PACS1: variants seen among roughly 807,000 people sequenced by gnomAD.
PACS1 encodes the protein phosphofurin acidic cluster sorting protein 1, also known as PACS-1.
In PACS1, 24 loss-of-function variants were observed where a neutral mutation model predicts 115.0. The ratio of observed to expected loss-of-function variants is 0.21; its 90% CI spans 0.15 to 0.29. The LOEUF (loss-of-function observed/expected upper bound fraction) is 0.29. Among genes scored for constraint, PACS1 ranks in the 10% least tolerant of loss-of-function variants. The pLI is 1.00. For synonymous variants in PACS1, 453 were observed against 504.5 expected (o/e 0.90, Z 1.37); for missense variants, 838 against 1,251.2 (o/e 0.67, Z 4.98).
intron 2 of PACS1, among the ~76,000 whole-genome samples, chr11:66,209,646 A>C (rs1316392127): frequency 1.3e-5 from 2 of 152,112 alleles, no homozygotes; most frequent in Non-Finnish European, 2.9e-5. Flanking sequence ...TCAGTGACTC[A>C]CACCTGTAAT....
chr11:66,147,133 A>G (rs1173160832), intron 1 of PACS1, among the ~76,000 whole-genome samples: 1 of 152,220 alleles, frequency 6.6e-6, no homozygotes, highest in Non-Finnish European at 1.5e-5. Flanking sequence ...CAAGTTTTTT[A>G]TTGTAACAGT....
At chr11:66,086,351 G>C (rs986687961) in intron 1 of PACS1, among the ~76,000 whole-genome samples, 1 of 152,030 alleles carries the variant, frequency 6.6e-6, no homozygotes, top group African/African-American at 2.4e-5. Flanking sequence ...TGTTAGCCAG[G>C]ATGGTCTCGA....
intron 1 of PACS1, among the ~76,000 whole-genome samples, chr11:66,144,824 A>T (rs1590776584): frequency 6.6e-6 from 1 of 152,070 alleles, no homozygotes; most frequent in African/African-American, 2.4e-5. Flanking sequence ...TAGTAGAGAT[A>T]GGGTTTCACC....
intron 8 of PACS1, 199 bp from the exon 9 acceptor site, chr11:66,220,432 T>G (rs933511792): frequency 1.4e-4 from 82 of 580,794 alleles, no homozygotes; most frequent in African/African-American, 1.3e-3. Flanking sequence ...TGGCAGGAAC[T>G]GGGGGGAAGG....
intron 1 of PACS1, among the ~76,000 whole-genome samples, chr11:66,166,177 T>G (rs548233159): frequency 8.2e-4 from 125 of 152,158 alleles, no homozygotes; most frequent in Non-Finnish European, 1.4e-3. Context: ...AGACAGAGTC[T>G]TACTCTGTCA....
At chr11:66,147,674 A>G (rs958025969) in intron 1 of PACS1, among the ~76,000 whole-genome samples, 3 of 152,212 alleles carry the variant, frequency 2.0e-5, no homozygotes, top group African/African-American at 4.8e-5. Context: ...TAAAACATGT[A>G]GAATAGAGAG....
At position 66,235,275 on chromosome 11, in the gene PACS1, T is replaced by G; in HGVS notation, c.2105-26T>G. The G allele has an allele frequency of 6.3e-7, 1 of 1,576,908 alleles. No individual in the cohort carries two copies. The highest frequency in any genetic ancestry group is 8.7e-7 in the Non-Finnish European group (1 of 1,146,418). ...TTTGCCAGCTGAAGTCAGTAGGCAG[T>G]TAGTGATCTCTTGGCTTTTCTGCAG... On this transcript the variant is annotated intron_variant, in intron 17 of 23. Coordinates refer to ENST00000320580, the MANE Select transcript of PACS1 (RefSeq NM_018026.4). The surrounding 1 kb of genome is among the most constrained non-coding windows in gnomAD (Gnocchi z 5.6).
In PACS1 at chr11:66,133,939, T is replaced by C. The variant is rs1858765861; in HGVS notation, c.357-59547T>C. On this transcript the variant is annotated intron_variant, in intron 1 of 23. Transcript: ENST00000320580. ...CAGACAGATACTTGTCCTGGCTAAG[T>C]GTGATACTGGGCAAGTTGTTGACTT... Among the ~76,000 whole-genome samples, 8 of 152,208 alleles carry C rather than the reference T, an allele frequency of 5.3e-5. No homozygotes were observed. The South Asian group carries it at 1.7e-3, about 31-fold the overall frequency.
chr11:66,074,943 T>TG (rs1565097236), intron 1 of PACS1, among the ~76,000 whole-genome samples: 2 of 137,128 alleles, frequency 1.5e-5, no homozygotes, highest in East Asian at 2.4e-4. Context: ...TTTTTGGTGT[T>TG]TTTTTTTTTT....
At chr11:66,210,249 T>C in intron 2 of PACS1, 113 bp from the exon 3 acceptor site, 3 of 771,486 alleles carry the variant, frequency 3.9e-6, no homozygotes, top group Non-Finnish European at 6.8e-6. Context: ...TGCCCCAGGC[T>C]GGTCTCAAAC....
intron 1 of PACS1, among the ~76,000 whole-genome samples, chr11:66,079,001 G>A (rs1020434461): frequency 5.9e-5 from 9 of 152,058 alleles, no homozygotes; most frequent in Admixed American, 3.3e-4. Context: ...TCTGTCTCCC[G>A]GGTTCAAGTG....
At chr11:66,073,916 CTTTTTTTTTTTTTTT>C (rs34145797) in intron 1 of PACS1, among the ~76,000 whole-genome samples, 19 of 76,940 alleles carry the variant, frequency 2.5e-4, no homozygotes, top group African/African-American at 9.8e-4. Flanking sequence ...TCACACCTGG[CTTTTTTTTTTTTTTT>C]TTTTTTTTTT....
chr11:66,139,136 T>G (rs1372023627), intron 1 of PACS1, among the ~76,000 whole-genome samples: 1 of 152,222 alleles, frequency 6.6e-6, no homozygotes, highest in African/African-American at 2.4e-5. Context: ...ACTGTTTACC[T>G]TTAGTTTTCA....
intron 1 of PACS1, among the ~76,000 whole-genome samples, chr11:66,116,871 C>G (rs115431524): frequency 0.029 from 3,996 of 138,784 alleles, 202 homozygotes; most frequent in African/African-American, 0.1. Flanking sequence ...GCCTGGGTGA[C>G]CAAGTGAGAC....
Position 66,210,441 on chromosome 11 carries a change from T to C in PACS1, c.524T>C (p.Phe175Ser). Residue 175 changes from phenylalanine to serine, a missense_variant, in exon 3 of 24, where the codon TTC becomes TCC. Physicochemically the swap from Phe to Ser is radical, Grantham distance 155. This residue lies in a region of PACS1 where 223 missense variants were observed against 354.0 expected (regional missense o/e 0.63). Coordinates refer to ENST00000320580, the MANE Select transcript of PACS1 (RefSeq NM_018026.4). ...GLVETELQLTFSLQYPHFLKR... is the reference protein window; with the variant it reads ...GLVETELQLTSSLQYPHFLKR... ...GTGGAAACAGAGCTCCAATTAACCT[T>C]CTCCCTTCAGGTGAGACTCTCCTAA... 1 of 1,610,762 alleles carries C rather than the reference T, an allele frequency of 6.2e-7. No individual in the cohort carries two copies. The highest frequency in any genetic ancestry group is 8.5e-7 in the Non-Finnish European group (1 of 1,176,990).
intron 1 of PACS1, chr11:66,083,994 C>T (rs564924881): frequency 6.6e-6 from 1 of 152,344 alleles, no homozygotes; most frequent in Admixed American, 6.5e-5. Context: ...TGCTTGGATA[C>T]TGAGGAGAGA....
chr11:66,124,477 G>A (rs928010247), intron 1 of PACS1, among the ~76,000 whole-genome samples: 2 of 152,086 alleles, frequency 1.3e-5, no homozygotes, highest in African/African-American at 2.4e-5. Flanking sequence ...TCTGAAGTGG[G>A]GCATAATTGG....
intron 1 of PACS1, among the ~76,000 whole-genome samples, chr11:66,172,123 T>A (rs72936632): frequency 0.25 from 38,476 of 152,164 alleles, 5,838 homozygotes; most frequent in South Asian, 0.46. Context: ...AAGCAATGTT[T>A]GTTTAAATTT....
intron 1 of PACS1, among the ~76,000 whole-genome samples, chr11:66,160,145 G>A (rs768297111): frequency 6.6e-5 from 10 of 152,088 alleles, no homozygotes; most frequent in Non-Finnish European, 1.2e-4. Flanking sequence ...ACACATTAGC[G>A]CAATGTGACT....
Sources: gnomAD v4.1 joint callset for allele counts (sites outside exome capture counted in the v4.1 genomes callset) on GRCh38, gnomAD v4.1.1 for gene constraint, gnomAD v4.1.1 regional missense constraint, Gnocchi (gnomAD v3.1) non-coding constraint, MANE v1.5 for transcripts, NCBI Gene and HGNC (gene_info 2026-07-23, HGNC 2026-07-21) for gene names.